ZNF782: variants seen among roughly 807,000 people sequenced by gnomAD.
The protein encoded by ZNF782 is zinc finger protein 782.
In ZNF782, 12 loss-of-function variants were observed where a neutral mutation model predicts 13.0. The observed-to-expected ratio is 0.92, with a 90% CI of 0.59 to 1.50. ZNF782 has a LOEUF of 1.50. Ranked by LOEUF, ZNF782 falls within the 40% of genes most tolerant of loss-of-function variation. ZNF782 has a pLI of 0.00. For synonymous variants in ZNF782, 284 were observed against 283.0 expected, an observed-to-expected ratio of 1.00 and a Z score of -0.04; for missense variants, 770 against 822.9, an observed-to-expected ratio of 0.94 and a Z score of 0.79.
At chr9:96,829,087 C>CAAAAA (rs145314809) in intron 4 of ZNF782, among the ~76,000 whole-genome samples, 2 of 60,252 alleles carry the variant, frequency 3.3e-5, no homozygotes, top group African/African-American at 5.2e-5. Flanking sequence ...TGTTTCAGAC[C>CAAAAA]AAAAAAAAAA....
intron 2 of ZNF782, among the ~76,000 whole-genome samples, chr9:96,860,694 G>A (rs1246459907): frequency 5.9e-5 from 9 of 152,224 alleles, no homozygotes; most frequent in South Asian, 4.1e-4. Context: ...AAATTATACC[G>A]TACAGCTATG....
rs1850231637 is a variant in ZNF782, at chr9:96,818,044, T to C, written c.1979A>G (p.Asn660Ser). The change falls in exon 6 of 6, where the codon AAT becomes AGT. Residue 660 changes from asparagine (N) to serine (S), a missense_variant. Coordinates refer to ENST00000481138, the MANE Select transcript of ZNF782 (RefSeq NM_001001662.3). ...GTGAGTTCTCTGATGTACTCTGAGA[T>C]TGGATTTCTGACTGAAAGCTTCCCC... ...QCGEAFSQKS[N>S]LRVHQRTHTG... The C allele has an allele frequency of 1.9e-6, 3 of 1,607,536 alleles. No individual in the cohort carries two copies. The highest frequency in any genetic ancestry group is 2.5e-6 in the Non-Finnish European group (3 of 1,177,288).
At chr9:96,920,566 C>A in the ZNF782 span, among the ~76,000 whole-genome samples, 1 of 148,784 alleles carries the variant, frequency 6.7e-6, no homozygotes, top group African/African-American at 2.5e-5. Context: ...GCGCCCAGCC[C>A]AAAACCATTT....
chr9:96,853,297 G>C (rs1488146852), intron 1 of ZNF782, among the ~76,000 whole-genome samples: 1 of 152,170 alleles, frequency 6.6e-6, no homozygotes, highest in African/African-American at 2.4e-5. Flanking sequence ...CTCATTCTGG[G>C]AAGGAGGATC....
At chr9:96,856,907 T>C (rs946222424), upstream of ZNF782, among the ~76,000 whole-genome samples, 1 of 152,212 alleles carries the variant, frequency 6.6e-6, no homozygotes, top group Non-Finnish European at 1.5e-5. Flanking sequence ...TTTATACACG[T>C]GCATTCCTTA....
intron 1 of ZNF782, among the ~76,000 whole-genome samples, chr9:96,863,683 A>T (rs1851729973): frequency 3.9e-5 from 6 of 152,258 alleles, no homozygotes; most frequent in African/African-American, 7.2e-5. Context: ...CTGAGCCATA[A>T]AATGGAATGA....
chr9:96,858,151 TTGC>T (rs1851666816), upstream of ZNF782, among the ~76,000 whole-genome samples: 1 of 152,236 alleles, frequency 6.6e-6, no homozygotes, highest in Non-Finnish European at 1.5e-5. The surrounding 1 kb of genome is among the most constrained non-coding windows in gnomAD (Gnocchi z 4.4). Context: ...GCATTTGCTC[TTGC>T]TGGTGTTTCC....
intron 4 of ZNF782, 37 bp from the exon 5 acceptor site, chr9:96,827,218 G>A: frequency 6.8e-7 from 1 of 1,461,120 alleles, no homozygotes; most frequent in Admixed American, 1.8e-5. Flanking sequence ...TGCATTAGTT[G>A]CATAGGTTCT....
rs75072734 is a variant in ZNF782, at chr9:96,829,139, C to T, written c.143-1958G>A. 9.8e-3 allele frequency among the ~76,000 whole-genome samples: 1,410 copies of T among 144,070 alleles called. 54 individuals are homozygous for T. In the East Asian group the frequency reaches 0.11, roughly 11 times the overall value. The allele number at this position is 144,070 out of a possible 152,430, so 94.5% of individuals were successfully genotyped here. A position where few individuals can be genotyped will look rare whatever the true frequency, so the allele number is the denominator to read the frequency against. Reference sequence around the variant, plus strand: ...ATTTATCAGCAACTGATGTGTATTACGAGAAATGTTAAATTTTCCAGACAG... The same window carrying T: ...ATTTATCAGCAACTGATGTGTATTATGAGAAATGTTAAATTTTCCAGACAG... On this transcript the variant is annotated intron_variant, in intron 4 of 5. Coordinates refer to ENST00000481138, the MANE Select transcript of ZNF782 (RefSeq NM_001001662.3).
chr9:96,907,766 G>A, the ZNF782 span, among the ~76,000 whole-genome samples: 1 of 151,834 alleles, frequency 6.6e-6, no homozygotes, highest in African/African-American at 2.4e-5. Context: ...TCAGCCTCCC[G>A]ACTAGCTGGG....
chr9:96,893,079 T>C, the ZNF782 span: 1 of 152,316 alleles, frequency 6.6e-6, no homozygotes, highest in Non-Finnish European at 1.5e-5. Flanking sequence ...ACTTTGGCTA[T>C]AAAATGACAT....
the ZNF782 span, among the ~76,000 whole-genome samples, chr9:96,901,662 A>T: frequency 6.6e-6 from 1 of 151,618 alleles, no homozygotes. Flanking sequence ...AAGTATAAGA[A>T]TCATCTGTAT....
chr9:96,881,760 TCTC>T, the ZNF782 span, among the ~76,000 whole-genome samples: 2 of 152,092 alleles, frequency 1.3e-5, no homozygotes, highest in African/African-American at 4.8e-5. Context: ...GACTTCATAT[TCTC>T]CTCCATTTAT....
the ZNF782 span, chr9:96,918,774 C>T: frequency 1.2e-5 from 2 of 162,522 alleles, no homozygotes; most frequent in African/African-American, 4.9e-5. Context: ...AGGAGACTCC[C>T]TTGTTGGCCT....
intron 1 of ZNF782, among the ~76,000 whole-genome samples, chr9:96,872,160 A>G (rs947632095): frequency 5.3e-5 from 8 of 152,220 alleles, no homozygotes; most frequent in African/African-American, 9.6e-5. Flanking sequence ...TTTATTTTCA[A>G]AAGGTAAATG....
the ZNF782 span, chr9:96,929,112 G>C: frequency 6.2e-7 from 1 of 1,607,656 alleles, no homozygotes; most frequent in Non-Finnish European, 8.5e-7. Flanking sequence ...AATTTGAACT[G>C]TCCCTGGGGA....
chr9:96,914,150 C>A, the ZNF782 span, among the ~76,000 whole-genome samples: 8 of 151,384 alleles, frequency 5.3e-5, no homozygotes, highest in Admixed American at 3.3e-4. Flanking sequence ...AAGACGGAGT[C>A]TCACGCTGTC....
exon 1 of ZNF782, chr9:96,875,564 C>T (rs150383112): frequency 5.5e-4 from 252 of 456,740 alleles, no homozygotes; most frequent in African/African-American, 4.8e-3. Context: ...CTTTGGTCAA[C>T]GTTTATAAAC....
At chr9:96,843,096 G>A (rs565386816) in intron 4 of ZNF782, among the ~76,000 whole-genome samples, 1 of 152,158 alleles carries the variant, frequency 6.6e-6, no homozygotes, top group South Asian at 2.1e-4. Context: ...CATTGCTGGT[G>A]GAAATGCAAA....
Sources: gnomAD v4.1 joint callset for allele counts (sites outside exome capture counted in the v4.1 genomes callset) on GRCh38, gnomAD v4.1.1 for gene constraint, Gnocchi (gnomAD v3.1) non-coding constraint, MANE v1.5 for transcripts, NCBI Gene and HGNC (gene_info 2026-07-23, HGNC 2026-07-21) for gene names.